The following P2RX5 variants were observed in gnomAD, a reference collection of about 807,000 sequenced individuals.
P2RX5 encodes the protein P2X purinoceptor 5.
Under a neutral mutation model 54.1 loss-of-function variants are expected in P2RX5, and 46 were observed. The ratio of observed to expected loss-of-function variants is 0.85; its 90% CI spans 0.67 to 1.09. The LOEUF (loss-of-function observed/expected upper bound fraction) is 1.09, where lower values mean the gene tolerates loss of function less well. P2RX5 is among the 50% of genes least tolerant of loss of function. The probability of loss-of-function intolerance (pLI) is 0.00; values close to 1 mark genes in which losing one functional copy is unlikely to be tolerated. For missense variants in P2RX5, 566 were observed against 549.8 expected, an observed-to-expected ratio of 1.03 and a Z score of -0.29; for synonymous variants, 226 against 226.4, an observed-to-expected ratio of 1.00 and a Z score of 0.02.
chr17:3,711,935 C>T, the P2RX5 span, among the ~76,000 whole-genome samples: 1 of 110,906 alleles, frequency 9.0e-6, no homozygotes, highest in Non-Finnish European at 2.0e-5. Flanking sequence ...TAAGTAGTTC[C>T]TGATGTAGTT....
Position 3,690,685 on chromosome 17 carries a change from C to T in P2RX5, c.361-5G>A, listed in dbSNP as rs1419233012. The T allele has an allele frequency of 6.2e-7, 1 of 1,612,972 alleles. No individual in the cohort carries two copies. Among genetic ancestry groups the T allele is most frequent in the Admixed American group, 1.7e-5 (1 of 60,030 alleles). On this transcript the variant is annotated splice_polypyrimidine_tract_variant and splice_region_variant and intron_variant, in intron 3 of 11. Transcript: ENST00000225328. The stretch of plus-strand genomic sequence containing the variant: ...GCCATCAGGAATGCCTTCATTCTGC[C>T]AGGAGAGAAGGGGCACCTGGATGGG...
In P2RX5 at chr17:3,689,619, A is replaced by G; in HGVS notation, c.626T>C (p.Met209Thr). 6.2e-7 allele frequency: 1 copy of G among 1,614,180 alleles called. No homozygotes were observed. The highest frequency in any genetic ancestry group is 1.1e-5 in the South Asian group (1 of 91,088). ...PKFNFSKSNV[M>T]DVKDRSFLKS... is the part of the protein sequence containing the mutation. ...CAGGAAAGATCTGTCCTTGACGTCC[A>G]TCACATTGCTTCTGGGTGGAGGCCA... is the stretch of plus-strand genomic sequence containing the variant. Residue 209 changes from methionine to threonine, a missense_variant, in exon 7 of 12, where the codon ATG becomes ACG. Transcript: ENST00000225328.
intron 1 of P2RX5, among the ~76,000 whole-genome samples, chr17:3,693,069 A>T (rs891007031): frequency 1.3e-5 from 2 of 151,932 alleles, no homozygotes; most frequent in Admixed American, 1.3e-4. Context: ...ATAATTTAAC[A>T]ATAAAAAGCC....
intron 7 of P2RX5, 42 bp downstream of exon 7, chr17:3,689,435 GCCAGGCCCAGTGCCC>G: frequency 1.2e-6 from 2 of 1,603,574 alleles, no homozygotes; most frequent in South Asian, 2.2e-5. Context: ...TCGTCACAGA[GCCAGGCCCAGTGCCC>G]CCAGGCCCTC....
chr17:3,696,158 G>C, upstream of P2RX5: 1 of 701,580 alleles, frequency 1.4e-6, no homozygotes, highest in Non-Finnish European at 2.0e-6. Context: ...TGCGGGGCGC[G>C]GGGGCGGGTC....
chr17:3,705,309 C>T, the P2RX5 span, among the ~76,000 whole-genome samples: 2 of 152,168 alleles, frequency 1.3e-5, no homozygotes, highest in African/African-American at 2.4e-5. Flanking sequence ...GTACACGATT[C>T]GGATCCAATG....
intron 11 of P2RX5, chr17:3,675,772 C>T (rs1000343690): frequency 2.2e-4 from 178 of 814,370 alleles, no homozygotes; most frequent in Non-Finnish European, 2.5e-4. Context: ...AGGCTGGTCT[C>T]GAACTCCTGA....
chr17:3,680,340 T>A lies in P2RX5; in HGVS notation c.1065-556A>T, dbSNP rs1318579726. On this transcript the variant is annotated intron_variant, in intron 10 of 11. Coordinates refer to ENST00000225328, the MANE Select transcript of P2RX5 (RefSeq NM_002561.4). ...ATCCTCCACCCTGCATCCTCCACCC[T>A]GCGTCCTCCACCCAGTGTCCTCCAC... 1.2e-3 allele frequency among the ~76,000 whole-genome samples: 114 copies of A among 98,472 alleles called. 1 individual carries two copies. The highest frequency in any genetic ancestry group is 2.6e-3 in the African/African-American group (58 of 22,438). The allele number at this position is 98,472 out of a possible 152,430, so 64.6% of individuals were successfully genotyped here.
chr17:3,690,352 G>A (rs1009503299), intron 5 of P2RX5, 75 bp downstream of exon 5: 11 of 1,267,772 alleles, frequency 8.7e-6, no homozygotes, highest in Non-Finnish European at 1.2e-5. Flanking sequence ...GAGTGGGCAG[G>A]ACTCCACCCT....
the P2RX5 span, among the ~76,000 whole-genome samples, chr17:3,713,185 C>A: frequency 6.6e-6 from 1 of 151,928 alleles, no homozygotes; most frequent in Non-Finnish European, 1.5e-5. Context: ...AGCTAGATCC[C>A]ATCTCTACAA....
At chr17:3,683,130 G>A (rs2050332463) in intron 9 of P2RX5, among the ~76,000 whole-genome samples, 1 of 152,154 alleles carries the variant, frequency 6.6e-6, no homozygotes. Flanking sequence ...ACGGACCAGA[G>A]CGATGCAATT....
the P2RX5 span, chr17:3,716,919 T>G: frequency 3.4e-5 from 21 of 618,752 alleles, no homozygotes; most frequent in African/African-American, 3.7e-4. Flanking sequence ...TGATCAAAGC[T>G]GATGACAGTA....
At chr17:3,700,813 G>A (rs1288280750), upstream of P2RX5, among the ~76,000 whole-genome samples, 1 of 152,052 alleles carries the variant, frequency 6.6e-6, no homozygotes, top group East Asian at 1.9e-4. Context: ...AAAGAACCTG[G>A]TACCTCCTCC....
At chr17:3,677,125 C>T (rs1027546236) in intron 11 of P2RX5, 16 of 985,158 alleles carry the variant, frequency 1.6e-5, no homozygotes, top group Admixed American at 6.2e-5. Flanking sequence ...GCTGAGGGTG[C>T]GGTAGGTGGG....
In P2RX5 at chr17:3,685,542, C is replaced by CA. The variant is rs2050422908; in HGVS notation, c.981+2469dup. On this transcript the variant is annotated intron_variant, in intron 9 of 11. Coordinates refer to ENST00000225328, the MANE Select transcript of P2RX5 (RefSeq NM_002561.4). ...CACCCATGAGCGCCACCCCAGAGCCCACGTTGATGATGGTGGGAATGATGC... is the reference window on the plus strand; with the variant it reads ...CACCCATGAGCGCCACCCCAGAGCCCAACGTTGATGATGGTGGGAATGATGC... 10 of 156,884 alleles carry CA rather than the reference C, an allele frequency of 6.4e-5. No homozygotes were observed. The South Asian group carries it at 1.7e-3, about 27-fold the overall frequency. 9.7% of individuals were successfully genotyped at this position (156,884 alleles called of 1,614,324 possible). A position where few individuals can be genotyped will look rare whatever the true frequency, so the allele number is the denominator to read the frequency against.
In P2RX5 at chr17:3,689,522, G is replaced by A. The variant is rs183680013; in HGVS notation, c.723C>T (p.Ala241=). The change falls in exon 7 of 12, where the codon GCC becomes GCT. Residue 241 remains alanine (A), a synonymous_variant. Coordinates refer to ENST00000225328, the MANE Select transcript of P2RX5 (RefSeq NM_002561.4). ...GGGCTATATCCTGGAAGTCGCTCCC[G>A]GCCCAGCGGATCACGGAGCCCAGTC... ...IFRLGSVIRW[A]GSDFQDIALE... The A allele has an allele frequency of 1.1e-5, 17 of 1,614,164 alleles. 1 individual carries two copies. The Admixed American group carries it at 1.5e-4, about 14-fold the overall frequency.
chr17:3,691,930 C>T (rs2050628927), intron 1 of P2RX5, 136 bp from the exon 2 acceptor site: 1 of 871,568 alleles, frequency 1.1e-6, no homozygotes, highest in African/African-American at 1.6e-5. Context: ...ACCTGTCCCA[C>T]CAGCTCCTGG....
upstream of P2RX5, chr17:3,696,409 A>G (rs775737823): frequency 1.1e-4 from 18 of 158,730 alleles, no homozygotes; most frequent in African/African-American, 4.1e-4. Flanking sequence ...CGCGGAGGAG[A>G]GGAAGTGAAA....
intron 11 of P2RX5, among the ~76,000 whole-genome samples, chr17:3,679,248 C>T (rs933196335): frequency 6.6e-6 from 1 of 152,184 alleles, no homozygotes; most frequent in Non-Finnish European, 1.5e-5. Flanking sequence ...CGGTGTCTAT[C>T]TGATTCAGTT....
Sources: allele counts gnomAD v4.1 joint callset (sites outside exome capture counted in the v4.1 genomes callset), GRCh38; gene constraint gnomAD v4.1.1; transcripts MANE v1.5; gene names NCBI Gene and HGNC (gene_info 2026-07-23, HGNC 2026-07-21).